Variants in RALYL observed in about 807,000 individuals in gnomAD.
The protein encoded by RALYL is RALY RNA binding protein like.
RALYL carries 29 observed loss-of-function variants against 35.1 expected under a neutral mutation model. The observed-to-expected ratio is 0.83, with a 90% CI of 0.61 to 1.13. The LOEUF (loss-of-function observed/expected upper bound fraction) is 1.13, where lower values mean the gene tolerates loss of function less well. Among genes scored for constraint, RALYL ranks in the 50% most tolerant of loss-of-function variants. The probability of loss-of-function intolerance (pLI) is 0.00; values close to 1 mark genes in which losing one functional copy is unlikely to be tolerated. For missense variants in RALYL, 359 were observed against 360.4 expected, an observed-to-expected ratio of 1.00 and a Z score of 0.03; for synonymous variants, 120 against 127.6, an observed-to-expected ratio of 0.94 and a Z score of 0.40.
chr8:84,563,569 T>C (rs2135633043), intron 2 of RALYL, among the ~76,000 whole-genome samples: 1 of 148,714 alleles, frequency 6.7e-6, no homozygotes, highest in East Asian at 2.0e-4. Context: ...ATTGGTAAGT[T>C]TTTTTTTTTT....
intron 1 of RALYL, among the ~76,000 whole-genome samples, chr8:84,326,860 A>G (rs1845894118): frequency 6.6e-6 from 1 of 152,160 alleles, no homozygotes; most frequent in South Asian, 2.1e-4. Context: ...GACAAAACTT[A>G]TCAGCAAATC....
intron 1 of RALYL, among the ~76,000 whole-genome samples, chr8:84,309,127 ATTC>A: frequency 6.6e-6 from 1 of 151,628 alleles, no homozygotes; most frequent in South Asian, 2.1e-4. Context: ...ACAAAATCAC[ATTC>A]TTATTATAAG....
At chr8:84,406,221 A>G (rs1263981779) in intron 1 of RALYL, among the ~76,000 whole-genome samples, 1 of 152,170 alleles carries the variant, frequency 6.6e-6, no homozygotes, top group African/African-American at 2.4e-5. Context: ...TTAAATGGCT[A>G]TACAAGTAGT....
At chr8:84,374,619 A>G (rs948839446) in intron 1 of RALYL, among the ~76,000 whole-genome samples, 3 of 151,906 alleles carry the variant, frequency 2.0e-5, no homozygotes, top group Non-Finnish European at 4.4e-5. Flanking sequence ...CAGAAAACCA[A>G]GTATTGCATG....
chr8:84,777,638 T>C (rs1817145770), intron 3 of RALYL, among the ~76,000 whole-genome samples: 1 of 152,150 alleles, frequency 6.6e-6, no homozygotes, highest in African/African-American at 2.4e-5. Context: ...TGTTTTGTTT[T>C]GTTTTGTTTT....
intron 2 of RALYL, among the ~76,000 whole-genome samples, chr8:84,561,266 G>T (rs993624314): frequency 1.3e-5 from 2 of 151,962 alleles, no homozygotes; most frequent in African/African-American, 4.8e-5. Flanking sequence ...CATATAAATG[G>T]AATCTTAAAA....
At chr8:84,325,789 G>A (rs927236658) in intron 1 of RALYL, among the ~76,000 whole-genome samples, 1 of 152,174 alleles carries the variant, frequency 6.6e-6, no homozygotes, top group African/African-American at 2.4e-5. Flanking sequence ...TTTGGTCTGT[G>A]TCTCTTGTGG....
intron 1 of RALYL, among the ~76,000 whole-genome samples, chr8:84,486,660 G>A (rs988433650): frequency 5.3e-5 from 8 of 151,934 alleles, no homozygotes; most frequent in Non-Finnish European, 8.8e-5. Context: ...ATTTGAAAGA[G>A]ATGTATAAAA....
At position 84,871,252 on chromosome 8, in the gene RALYL, C is replaced by T. The variant is rs539161857; in HGVS notation, c.572-2032C>T. 3.5e-4 allele frequency among the ~76,000 whole-genome samples: 54 copies of T among 152,202 alleles called. 1 individual carries two copies. The South Asian group carries it at 0.01, about 29-fold the overall frequency. ...TCCCTGGAGACTTCTAAGTTCCAGC[C>T]AGATGAGTCTATATTGTTTTCTAAT... On this transcript the variant is annotated intron_variant, in intron 6 of 8. Transcript: ENST00000521268.
At chr8:84,700,648 T>C in intron 2 of RALYL, among the ~76,000 whole-genome samples, 1 of 152,130 alleles carries the variant, frequency 6.6e-6, no homozygotes, top group East Asian at 1.9e-4. Context: ...AGAACAATGA[T>C]AAATAAAGTA....
chr8:84,221,463 C>T (rs1822196267), intron 1 of RALYL, among the ~76,000 whole-genome samples: 1 of 151,988 alleles, frequency 6.6e-6, no homozygotes, highest in Admixed American at 6.6e-5. Flanking sequence ...ACTGTGTAAG[C>T]TCTGGGGAAA....
intron 1 of RALYL, among the ~76,000 whole-genome samples, chr8:84,362,927 A>G (rs1267221362): frequency 6.6e-6 from 1 of 152,174 alleles, no homozygotes; most frequent in Non-Finnish European, 1.5e-5. Flanking sequence ...TAAACCTTAT[A>G]CAATTGCAGG....
chr8:84,624,046 G>T (rs1822169572), intron 2 of RALYL, among the ~76,000 whole-genome samples: 1 of 152,154 alleles, frequency 6.6e-6, no homozygotes, highest in African/African-American at 2.4e-5. Flanking sequence ...TTTTCACTTT[G>T]GGTTATTGTT....
intron 2 of RALYL, among the ~76,000 whole-genome samples, chr8:84,612,337 C>T (rs1246778142): frequency 6.6e-6 from 1 of 151,940 alleles, no homozygotes; most frequent in Non-Finnish European, 1.5e-5. Context: ...TCAGAAATGA[C>T]AAATATCATA....
intron 2 of RALYL, among the ~76,000 whole-genome samples, chr8:84,680,629 T>C (rs1470284922): frequency 6.6e-6 from 1 of 152,260 alleles, no homozygotes; most frequent in African/African-American, 2.4e-5. Context: ...ATGTGTCTTT[T>C]GGCTGCATAA....
intron 1 of RALYL, among the ~76,000 whole-genome samples, chr8:84,369,777 A>T (rs1855297128): frequency 1.3e-5 from 2 of 152,290 alleles, no homozygotes; most frequent in African/African-American, 4.8e-5. Flanking sequence ...GTTATAGGAA[A>T]GTGCTCTCCA....
At chr8:84,512,538 T>G (rs1013220361) in intron 1 of RALYL, among the ~76,000 whole-genome samples, 8 of 152,264 alleles carry the variant, frequency 5.3e-5, no homozygotes, top group Middle Eastern at 6.8e-3. Context: ...TAGTTTAATA[T>G]AGTCCCATTT....
intron 2 of RALYL, among the ~76,000 whole-genome samples, chr8:84,662,409 T>A (rs1278202921): frequency 1.3e-5 from 2 of 152,220 alleles, no homozygotes; most frequent in Non-Finnish European, 2.9e-5. Flanking sequence ...ATCAAGGTAA[T>A]TTAATAATGA....
chr8:84,370,413 C>T (rs1855445823), intron 1 of RALYL, among the ~76,000 whole-genome samples: 1 of 151,288 alleles, frequency 6.6e-6, no homozygotes, highest in African/African-American at 2.4e-5. Context: ...GTAGTTAGAA[C>T]ATGGGAAATT....
Sources: gnomAD v4.1 joint callset for allele counts (sites outside exome capture counted in the v4.1 genomes callset) on GRCh38, gnomAD v4.1.1 for gene constraint, MANE v1.5 for transcripts, NCBI Gene and HGNC (gene_info 2026-07-23, HGNC 2026-07-21) for gene names.